Variants in RBFOX1 observed in about 807,000 individuals in gnomAD.
RBFOX1 encodes the protein RNA binding protein fox-1 homolog 1.
Under a neutral mutation model 57.7 loss-of-function variants are expected in RBFOX1, and 8 were observed. That is an observed-to-expected ratio of 0.14 (90% CI 0.08 to 0.25). The LOEUF is 0.25. RBFOX1 is among the 10% of genes least tolerant of loss of function. RBFOX1 has a pLI of 1.00. For missense variants in RBFOX1, 611 were observed against 548.5 expected, an observed-to-expected ratio of 1.11 and a Z score of -1.14; for synonymous variants, 326 against 222.4, an observed-to-expected ratio of 1.47 and a Z score of -4.15.
At chr16:6,287,808 C>T (rs1054063795) in intron 1 of RBFOX1, among the ~76,000 whole-genome samples, 9 of 152,100 alleles carry the variant, frequency 5.9e-5, no homozygotes, top group African/African-American at 2.2e-4. Context: ...TGTGGAGGAA[C>T]TCCAAAATTA....
In RBFOX1 at chr16:5,377,140, C is replaced by A. The variant is rs558736008; in HGVS notation, c.220-90076C>A. Among the ~76,000 whole-genome samples, 5 of 151,744 alleles carry A rather than the reference C, an allele frequency of 3.3e-5. No individual in the cohort carries two copies. The South Asian group carries it at 8.3e-4, about 25-fold the overall frequency. On this transcript the variant is annotated intron_variant, in intron 1 of 2. Transcript: ENST00000585867. ...CATGCAGTTGAAAGCACTGGTTGAG[C>A]ACCTGCTGTATATCTGCCAGACATG...
chr16:5,612,492 A>G (rs1174815613), intron 3 of RBFOX1, among the ~76,000 whole-genome samples: 3 of 152,246 alleles, frequency 2.0e-5, no homozygotes, highest in Admixed American at 1.3e-4. Context: ...ATACAAAAGT[A>G]TATCTACAAA....
chr16:6,440,039 C>T (rs1036352677), intron 2 of RBFOX1, among the ~76,000 whole-genome samples: 1 of 137,010 alleles, frequency 7.3e-6, no homozygotes, highest in Non-Finnish European at 1.6e-5. Flanking sequence ...TGGGTTCAAG[C>T]AATCCTCCTG....
chr16:6,671,029 A>G (rs768516265), intron 3 of RBFOX1, among the ~76,000 whole-genome samples: 38 of 152,202 alleles, frequency 2.5e-4, no homozygotes, highest in Non-Finnish European at 5.0e-4. Flanking sequence ...TTCCTTATTT[A>G]CTTGGTATGT....
intron 4 of RBFOX1, among the ~76,000 whole-genome samples, chr16:7,343,202 G>A (rs1163725368): frequency 3.3e-5 from 5 of 152,198 alleles, no homozygotes; most frequent in Admixed American, 2.6e-4. Context: ...AGTGCCCGGT[G>A]GCAAGGAGGA....
intron 2 of RBFOX1, among the ~76,000 whole-genome samples, chr16:6,406,097 T>G (rs2093271518): frequency 6.6e-6 from 1 of 152,202 alleles, no homozygotes; most frequent in African/African-American, 2.4e-5. Flanking sequence ...GCCTGAATGC[T>G]TCTCTAAACT....
chr16:7,635,646 T>TATCA (rs1443854133), intron 11 of RBFOX1, among the ~76,000 whole-genome samples: 10 of 143,970 alleles, frequency 6.9e-5, no homozygotes, highest in Non-Finnish European at 1.5e-4. Flanking sequence ...ACATTACATA[T>TATCA]ATCAATCATA....
In RBFOX1 at chr16:5,946,907, CAG is replaced by C. The variant is rs2059410878; in HGVS notation, c.351+79575_351+79576del. ...GAGGTATGCTGCTTGAGTGGAGAAACAGAGTTTTCTCTGTTAGAAGAAAGGCC... is the reference window on the plus strand; with the variant it reads ...GAGGTATGCTGCTTGAGTGGAGAAACAGTTTTCTCTGTTAGAAGAAAGGCC... On this transcript the variant is annotated intron_variant, in intron 4 of 19. Coordinates refer to the RBFOX1 transcript ENST00000641259. The surrounding 1 kb of genome is among the most constrained non-coding windows in gnomAD (Gnocchi z 4.6). Among the ~76,000 whole-genome samples, 1 of 152,094 alleles carries C rather than the reference CAG, an allele frequency of 6.6e-6. No homozygotes were observed. The highest frequency in any genetic ancestry group is 2.4e-5 in the African/African-American group (1 of 41,404).
chr16:7,085,610 G>C (rs1228262065), intron 4 of RBFOX1, among the ~76,000 whole-genome samples: 2 of 152,096 alleles, frequency 1.3e-5, no homozygotes, highest in African/African-American at 4.8e-5. Context: ...ATTTTAAAGA[G>C]TAGGGTGCTT....
chr16:7,553,523 G>C (rs147093935), intron 5 of RBFOX1, among the ~76,000 whole-genome samples: 3 of 152,178 alleles, frequency 2.0e-5, no homozygotes, highest in Non-Finnish European at 4.4e-5. Flanking sequence ...AGACATGCAG[G>C]ACTATCAGGC....
At chr16:5,982,406 C>G (rs891650982) in intron 4 of RBFOX1, among the ~76,000 whole-genome samples, 3 of 152,082 alleles carry the variant, frequency 2.0e-5, no homozygotes, top group African/African-American at 7.2e-5. Context: ...TCCCAAGTAG[C>G]TGGGATTACA....
chr16:7,460,692 C>G (rs1156938514), intron 4 of RBFOX1, among the ~76,000 whole-genome samples: 1 of 151,252 alleles, frequency 6.6e-6, no homozygotes, highest in Non-Finnish European at 1.5e-5. Context: ...TGTAACAATC[C>G]TGCACATGTA....
chr16:6,257,163 C>G (rs1472618075), intron 1 of RBFOX1, among the ~76,000 whole-genome samples: 1 of 151,878 alleles, frequency 6.6e-6, no homozygotes, highest in Non-Finnish European at 1.5e-5. Context: ...CAGGTTTGTT[C>G]CACAGGTAAA....
At chr16:6,799,412 C>T (rs116040075) in intron 3 of RBFOX1, among the ~76,000 whole-genome samples, 149 of 152,166 alleles carry the variant, frequency 9.8e-4, no homozygotes, top group African/African-American at 3.3e-3. Context: ...CCTAATAAGG[C>T]GTGAGTTATT....
At chr16:6,659,785 C>T (rs1011597606) in intron 3 of RBFOX1, among the ~76,000 whole-genome samples, 1 of 152,278 alleles carries the variant, frequency 6.6e-6, no homozygotes, top group Middle Eastern at 3.4e-3. Flanking sequence ...TGGCACCCAA[C>T]AGTGGGGTGG....
At chr16:7,449,571 A>G (rs955705559) in intron 4 of RBFOX1, among the ~76,000 whole-genome samples, 1 of 152,060 alleles carries the variant, frequency 6.6e-6, no homozygotes, top group Non-Finnish European at 1.5e-5. Context: ...GTTTAGGACC[A>G]TCTCTTTAAC....
At chr16:5,604,279 A>G (rs2047479599), downstream of RBFOX1, among the ~76,000 whole-genome samples, 1 of 152,230 alleles carries the variant, frequency 6.6e-6, no homozygotes, top group African/African-American at 2.4e-5. Flanking sequence ...TCGATTGGTC[A>G]TAGGTCTGGA....
chr16:5,595,626 A>G (rs1454404431), intron 2 of RBFOX1, among the ~76,000 whole-genome samples: 1 of 152,224 alleles, frequency 6.6e-6, no homozygotes, highest in Non-Finnish European at 1.5e-5. Flanking sequence ...ATGGAGGCTT[A>G]TTGTAAGGAT....
In RBFOX1 at chr16:5,841,649, G is replaced by A. The variant is rs542274839; in HGVS notation, c.319-25654G>A. Among the ~76,000 whole-genome samples, 247 of 152,220 alleles carry A rather than the reference G, an allele frequency of 1.6e-3. 1 individual carries two copies. The highest frequency in any genetic ancestry group is 5.8e-3 in the African/African-American group (241 of 41,518). On this transcript the variant is annotated intron_variant, in intron 3 of 19. Coordinates refer to the RBFOX1 transcript ENST00000641259. The stretch of plus-strand genomic sequence containing the variant: ...GTTAATCTCTATCTGTCTAGTCATT[G>A]TTGATCTGAAACTCAGGTGTAAGTC...
Sources: gnomAD v4.1 joint callset for allele counts (sites outside exome capture counted in the v4.1 genomes callset) on GRCh38, gnomAD v4.1.1 for gene constraint, Gnocchi (gnomAD v3.1) non-coding constraint, MANE v1.5 for transcripts, NCBI Gene and HGNC (gene_info 2026-07-23, HGNC 2026-07-21) for gene names.